Variants in ABR observed in about 807,000 individuals in gnomAD.
The protein encoded by ABR is ABR activator of RhoGEF and GTPase.
ABR carries 35 observed loss-of-function variants against 107.2 expected under a neutral mutation model. The observed-to-expected ratio is 0.33, with a 90% confidence interval of 0.25 to 0.43. The LOEUF (loss-of-function observed/expected upper bound fraction) is 0.43, where lower values mean the gene tolerates loss of function less well. Among genes scored for constraint, ABR ranks in the 20% least tolerant of loss-of-function variants. ABR has a pLI of 1.00. For synonymous variants in ABR, 498 were observed against 462.0 expected, an observed-to-expected ratio of 1.08 and a Z score of -1.00; for missense variants, 815 against 1,115.2, an observed-to-expected ratio of 0.73 and a Z score of 3.83.
intron 16 of ABR, among the ~76,000 whole-genome samples, chr17:1,032,051 C>G (rs547894657): frequency 2.6e-5 from 4 of 151,720 alleles, no homozygotes; most frequent in Non-Finnish European, 5.9e-5. Context: ...TGCTCCTCCC[C>G]GACCCCGCCG....
At chr17:1,193,919 C>T (rs1330299615) in intron 1 of ABR, among the ~76,000 whole-genome samples, 1 of 151,880 alleles carries the variant, frequency 6.6e-6, no homozygotes, top group African/African-American at 2.4e-5. Flanking sequence ...TGGTTTTGAT[C>T]TCCTGACCTC....
In ABR at chr17:1,027,811, C is replaced by T. The variant is rs1017122167; in HGVS notation, c.1792-14647G>A. Among the ~76,000 whole-genome samples, 2 of 151,908 alleles carry T rather than the reference C, an allele frequency of 1.3e-5. No individual in the cohort carries two copies. Among genetic ancestry groups the T allele is most frequent in the Non-Finnish European group, 1.5e-5 (1 of 67,978 alleles). ...CTTCCCACCGGGAAACAAGGAAGGG[C>T]GGTGGGCAGCCGGGCCAGGCCAGAC... On this transcript the variant is annotated intron_variant, in intron 16 of 22. Transcript: ENST00000302538. This position sits in a 1 kb window ranked among gnomAD's most constrained non-coding sequence, Gnocchi z 4.7.
upstream of ABR, among the ~76,000 whole-genome samples, chr17:1,187,496 G>C (rs1317766652): frequency 1.3e-5 from 2 of 152,238 alleles, no homozygotes; most frequent in Admixed American, 6.5e-5. Context: ...AACACAGCTG[G>C]GGGAGTCAGG....
intron 16 of ABR, among the ~76,000 whole-genome samples, chr17:1,032,443 C>T (rs1000925618): frequency 2.0e-5 from 3 of 152,208 alleles, no homozygotes; most frequent in Non-Finnish European, 4.4e-5. Flanking sequence ...CCCGAAACGA[C>T]GCGGGTCACA....
intron 16 of ABR, chr17:1,031,572 C>T: frequency 8.4e-7 from 1 of 1,186,698 alleles, no homozygotes; most frequent in Non-Finnish European, 1.1e-6. Flanking sequence ...CCCCCACCCC[C>T]CGGAACCTCC....
At chr17:1,205,243 T>C (rs2042767737) in intron 1 of ABR, among the ~76,000 whole-genome samples, 1 of 152,152 alleles carries the variant, frequency 6.6e-6, no homozygotes, top group Non-Finnish European at 1.5e-5. Flanking sequence ...TCTGGGCCCT[T>C]TGGCACATTA....
chr17:1,117,987 TC>T (rs1452242111), intron 2 of ABR, among the ~76,000 whole-genome samples: 23 of 80,986 alleles, frequency 2.8e-4, no homozygotes, highest in East Asian at 6.0e-4. Context: ...GAGCCTGAGT[TC>T]CTCCCAGCGT....
At chr17:1,032,213 C>T (rs1597457730) in intron 16 of ABR, among the ~76,000 whole-genome samples, 1 of 152,118 alleles carries the variant, frequency 6.6e-6, no homozygotes, top group East Asian at 1.9e-4. Flanking sequence ...TGCCCTCCTC[C>T]CCGGGCAAAA....
At chr17:1,054,023 A>C (rs1468088420) in intron 14 of ABR, among the ~76,000 whole-genome samples, 1 of 152,116 alleles carries the variant, frequency 6.6e-6, no homozygotes, top group Non-Finnish European at 1.5e-5. Flanking sequence ...AGTGCCCAAA[A>C]GGTTAGAGCT....
Position 1,057,008 on chromosome 17 carries a change from G to T in ABR, c.1476C>A (p.Ser492Arg). The T allele has an allele frequency of 6.2e-7, 1 of 1,607,472 alleles. No individual in the cohort carries two copies. Among genetic ancestry groups the T allele is most frequent in the African/African-American group, 1.3e-5 (1 of 74,932 alleles). ...LRTVHNIPVT[S>R]NKDDDESPGL... Reference sequence around the variant, plus strand: ...GGTTCCCGAGCTTACCGTCTTTATTGCTGGTGACAGGAATGTTGTGTACAG... The same window carrying T: ...GGTTCCCGAGCTTACCGTCTTTATTTCTGGTGACAGGAATGTTGTGTACAG... The change falls in exon 13 of 23, where the codon AGC becomes AGA. Residue 492 changes from serine to arginine, a missense_variant. Physicochemically the swap from Ser to Arg is moderately radical, Grantham distance 110. Coordinates refer to ENST00000302538, the MANE Select transcript of ABR (RefSeq NM_021962.5).
At chr17:1,201,867 T>C (rs989570170) in intron 1 of ABR, among the ~76,000 whole-genome samples, 20 of 152,104 alleles carry the variant, frequency 1.3e-4, no homozygotes, top group Admixed American at 6.5e-4. Context: ...TTAGTAGAGA[T>C]GGGGTTTCAC....
intron 6 of ABR, among the ~76,000 whole-genome samples, chr17:1,075,780 G>A (rs148078054): frequency 1.8e-4 from 27 of 152,234 alleles, no homozygotes; most frequent in African/African-American, 4.6e-4. Context: ...GGTGGCTCAC[G>A]CCTGTAATCC....
chr17:1,094,370 ATT>A (rs541367607), intron 3 of ABR, among the ~76,000 whole-genome samples: 14 of 139,878 alleles, frequency 1.0e-4, no homozygotes, highest in Admixed American at 2.2e-4. Flanking sequence ...CCAGACTGCA[ATT>A]TTTTTTTTTT....
At chr17:1,218,412 G>A (rs1367579434) in intron 1 of ABR, among the ~76,000 whole-genome samples, 2 of 152,162 alleles carry the variant, frequency 1.3e-5, no homozygotes, top group Non-Finnish European at 2.9e-5. Flanking sequence ...ATCTAGTCCA[G>A]TCACCTTATT....
At chr17:1,057,700 T>TGA in intron 12 of ABR, 1 of 422,950 alleles carries the variant, frequency 2.4e-6, no homozygotes, top group Non-Finnish European at 4.4e-6. Flanking sequence ...TGTGTGTGTG[T>TGA]GTGAGAGAGA....
intron 2 of ABR, chr17:1,108,898 G>GA: frequency 1.3e-6 from 2 of 1,538,510 alleles, no homozygotes; most frequent in Non-Finnish European, 1.7e-6. Flanking sequence ...CGCCGGCCCG[G>GA]CCCCCCCCAG....
chr17:1,097,178 G>A (rs1007439222), intron 3 of ABR, among the ~76,000 whole-genome samples: 2 of 152,132 alleles, frequency 1.3e-5, no homozygotes, highest in Non-Finnish European at 2.9e-5. Flanking sequence ...ATGGGGACAG[G>A]CGCCACTCCC....
At chr17:1,045,699 G>T (rs2031482019) in intron 16 of ABR, among the ~76,000 whole-genome samples, 1 of 152,190 alleles carries the variant, frequency 6.6e-6, no homozygotes, top group African/African-American at 2.4e-5. Flanking sequence ...CTCGTCCTGG[G>T]CTCGCTTATG....
chr17:1,076,265 G>A (rs2035700123), intron 6 of ABR, among the ~76,000 whole-genome samples: 1 of 152,154 alleles, frequency 6.6e-6, no homozygotes, highest in African/African-American at 2.4e-5. Context: ...GCAGTTTCCA[G>A]AGACCCTCCC....
Sources: gnomAD v4.1 joint callset for allele counts (sites outside exome capture counted in the v4.1 genomes callset) on GRCh38, gnomAD v4.1.1 for gene constraint, Gnocchi (gnomAD v3.1) non-coding constraint, MANE v1.5 for transcripts, NCBI Gene and HGNC (gene_info 2026-07-23, HGNC 2026-07-21) for gene names.